Variants in EMP2 observed in about 807,000 individuals in gnomAD.
EMP2 encodes the protein epithelial membrane protein 2.
A neutral mutation model predicts 13.7 loss-of-function variants in EMP2; 19 were observed. That is an observed-to-expected ratio of 1.38 (90% CI 0.97 to 2.03). The LOEUF (loss-of-function observed/expected upper bound fraction) is 2.03, where lower values mean the gene tolerates loss of function less well. Ranked by LOEUF, EMP2 falls within the 30% of genes most tolerant of loss-of-function variation. The probability of loss-of-function intolerance (pLI) is 0.00; values close to 1 mark genes in which losing one functional copy is unlikely to be tolerated. For synonymous variants in EMP2, 97 were observed against 84.7 expected (o/e 1.15, Z -0.80); for missense variants, 253 against 220.7 (o/e 1.15, Z -0.93).
At chr16:10,563,458 C>T (rs2050886532) in intron 1 of EMP2, among the ~76,000 whole-genome samples, 1 of 152,182 alleles carries the variant, frequency 6.6e-6, no homozygotes. Context: ...TCCCAAAGTG[C>T]TGGGATTATA....
At chr16:10,558,751 G>A (rs1215090604) in intron 1 of EMP2, among the ~76,000 whole-genome samples, 2 of 152,018 alleles carry the variant, frequency 1.3e-5, no homozygotes, top group African/African-American at 4.8e-5. Context: ...TGTTGCCAAA[G>A]GAAGTCACTT....
intron 1 of EMP2, among the ~76,000 whole-genome samples, chr16:10,554,346 C>A (rs1447102937): frequency 6.6e-6 from 1 of 152,168 alleles, no homozygotes; most frequent in African/African-American, 2.4e-5. Flanking sequence ...ACTGGATCAA[C>A]TCTTAAGCAT....
chr16:10,532,707 T>C lies in EMP2; in HGVS notation c.*198A>G, dbSNP rs935653541. 1 of 418,704 alleles carries C rather than the reference T, an allele frequency of 2.4e-6. No homozygotes were observed. The highest frequency in any genetic ancestry group is 2.1e-5 in the African/African-American group (1 of 47,636). The allele number at this position is 418,704 out of a possible 1,614,324, so 25.9% of individuals were successfully genotyped here. ...CCAGCCTTCATAGTCTATTCTCTGA[T>C]CTCAAGAATGCAAAAACTCTTCTCT... On this transcript the variant is annotated 3_prime_UTR_variant, in exon 5 of 5. Transcript: ENST00000359543.
chr16:10,538,969 C>A (rs2050672533), intron 3 of EMP2, among the ~76,000 whole-genome samples: 1 of 151,900 alleles, frequency 6.6e-6, no homozygotes, highest in Non-Finnish European at 1.5e-5. Context: ...GCATGTCTGG[C>A]TAATTTTTAA....
chr16:10,547,901 C>T lies in EMP2; in HGVS notation c.-60-224G>A, dbSNP rs551779160. ...TAAAAGAAAATTAGCTGGGCGTGGT[C>T]GTCATACCTGCAGTCCCAGCTACTT... On this transcript the variant is annotated intron_variant, in intron 1 of 4. Coordinates refer to ENST00000359543, the MANE Select transcript of EMP2 (RefSeq NM_001424.6). Among the ~76,000 whole-genome samples, 5 of 151,982 alleles carry T rather than the reference C, an allele frequency of 3.3e-5. No individual in the cohort carries two copies. The East Asian group carries it at 5.8e-4, about 18-fold the overall frequency.
chr16:10,557,889 C>T (rs1281935688), intron 1 of EMP2, among the ~76,000 whole-genome samples: 2 of 152,026 alleles, frequency 1.3e-5, no homozygotes, highest in Non-Finnish European at 2.9e-5. Flanking sequence ...AACAAGAAAC[C>T]TCCGGGCATC....
chr16:10,571,346 G>GTC (rs927529582), intron 1 of EMP2, among the ~76,000 whole-genome samples: 1 of 149,816 alleles, frequency 6.7e-6, no homozygotes, highest in Non-Finnish European at 1.5e-5. Flanking sequence ...AGAGTGATGA[G>GTC]TCCAGAGAAG....
At position 10,548,129 on chromosome 16, in the gene EMP2, G is replaced by C. The variant is rs7206579; in HGVS notation, c.-60-452C>G. On this transcript the variant is annotated intron_variant, in intron 1 of 4. Transcript: ENST00000359543. ...TGGAGACTTTACTGGACAAAAGTCTGGCATGAGAGGGGCTGTCTGCTGTTG... is the reference window on the plus strand; with the variant it reads ...TGGAGACTTTACTGGACAAAAGTCTCGCATGAGAGGGGCTGTCTGCTGTTG... 5.5e-3 allele frequency among the ~76,000 whole-genome samples: 839 copies of C among 152,300 alleles called. 12 individuals are homozygous for C. The highest frequency in any genetic ancestry group is 0.02 in the African/African-American group (813 of 41,560).
intron 1 of EMP2, among the ~76,000 whole-genome samples, chr16:10,559,836 G>A (rs1040250137): frequency 6.6e-6 from 1 of 152,074 alleles, no homozygotes; most frequent in Non-Finnish European, 1.5e-5. Flanking sequence ...CACCATGCCT[G>A]GCTAGTTTTT....
Position 10,531,995 on chromosome 16 carries a change from AAGGTTTTGGCCTG to A in EMP2, c.*897_*909del, listed in dbSNP as rs1221632130. The A allele has an allele frequency of 3.2e-5, 5 of 154,848 alleles. No homozygotes were observed. The highest frequency in any genetic ancestry group is 1.2e-4 in the African/African-American group (5 of 41,598). 9.6% of individuals were successfully genotyped at this position (154,848 alleles called of 1,614,324 possible). ...GTAGACAGCTGTGGCGATGGAGGCC[AAGGTTTTGGCCTG>A]CTGTGGGGGTTGCATTCACCTCCCC... On this transcript the variant is annotated 3_prime_UTR_variant, in exon 5 of 5. Transcript: ENST00000359543.
chr16:10,562,093 C>CA (rs1277866693), intron 1 of EMP2, among the ~76,000 whole-genome samples: 3 of 152,068 alleles, frequency 2.0e-5, no homozygotes, highest in Admixed American at 6.6e-5. Context: ...GCCTTGATTC[C>CA]AAAACCAGAC....
At chr16:10,538,799 C>G (rs116454238) in intron 3 of EMP2, among the ~76,000 whole-genome samples, 58 of 152,154 alleles carry the variant, frequency 3.8e-4, no homozygotes, top group African/African-American at 1.4e-3. Flanking sequence ...CCTCAGTTTC[C>G]TCACCTGTAA....
intron 3 of EMP2, among the ~76,000 whole-genome samples, chr16:10,542,772 A>T (rs958246466): frequency 6.6e-6 from 1 of 152,232 alleles, no homozygotes; most frequent in Non-Finnish European, 1.5e-5. Context: ...CTTCTGTTCT[A>T]CAGCTGAGGA....
In EMP2 at chr16:10,537,992, G is replaced by A; in HGVS notation, c.252C>T (p.Leu84=). 6.2e-7 allele frequency: 1 copy of A among 1,614,136 alleles called. No homozygotes were observed. Among genetic ancestry groups the A allele is most frequent in the South Asian group, 1.1e-5 (1 of 91,066 alleles). The change falls in exon 4 of 5, where the codon CTC becomes CTT. Residue 84 remains leucine, a synonymous_variant. Transcript: ENST00000359543. The part of the protein sequence containing the change: ...LCCIAFFIFV[L]QLFRLKQGER... ...CTCCCTGCTTCAGGCGGAAGAGCTG[G>A]AGCACGAAGATGAAGAAGGCGATGC...
chr16:10,559,276 G>C (rs957809484), intron 1 of EMP2: 21 of 152,468 alleles, frequency 1.4e-4, no homozygotes, highest in African/African-American at 4.8e-4. Flanking sequence ...GGTCAGCCCA[G>C]CCTCCTGCCC....
In EMP2 at chr16:10,529,742, C is replaced by G. The variant is rs1487330280; in HGVS notation, c.*3163G>C. ...GGTTGGGAGTTCGAAACCAGCCTGA[C>G]CAACATGGAGAAACCCCATCTCTAC... On this transcript the variant is annotated 3_prime_UTR_variant, in exon 5 of 5. Coordinates refer to ENST00000359543, the MANE Select transcript of EMP2 (RefSeq NM_001424.6). 1 of 151,968 alleles carries G rather than the reference C, an allele frequency of 6.6e-6. No individual in the cohort carries two copies. The highest frequency in any genetic ancestry group is 2.4e-5 in the African/African-American group (1 of 41,330). 9.4% of individuals were successfully genotyped at this position (151,968 alleles called of 1,614,324 possible). A position where few individuals can be genotyped will look rare whatever the true frequency, so the allele number is the denominator to read the frequency against.
chr16:10,541,780 C>T lies in EMP2; in HGVS notation c.169+1790G>A, dbSNP rs994908503. On this transcript the variant is annotated intron_variant, in intron 3 of 4. Transcript: ENST00000359543. ...AGACTGGAATCCTGCCGCCATCATT[C>T]GCTCCTGGCTATGCGGCCTTGGGTA... Among the ~76,000 whole-genome samples the T allele has an allele frequency of 1.1e-4, 16 of 152,296 alleles. No individual in the cohort carries two copies. In the Middle Eastern group the frequency reaches 0.014, roughly 130 times the overall value.
chr16:10,552,601 A>G (rs186753074), intron 1 of EMP2, among the ~76,000 whole-genome samples: 1 of 152,352 alleles, frequency 6.6e-6, no homozygotes, highest in Non-Finnish European at 1.5e-5. Context: ...AGAATTTAAT[A>G]GCATCATTCT....
intron 1 of EMP2, among the ~76,000 whole-genome samples, chr16:10,564,577 T>G (rs1174448679): frequency 6.6e-6 from 1 of 151,262 alleles, no homozygotes; most frequent in African/African-American, 2.4e-5. Flanking sequence ...TACCTCCCAG[T>G]CCCACCTCCT....
Sources: allele counts gnomAD v4.1 joint callset (sites outside exome capture counted in the v4.1 genomes callset), GRCh38; gene constraint gnomAD v4.1.1; transcripts MANE v1.5; gene names NCBI Gene and HGNC (gene_info 2026-07-23, HGNC 2026-07-21).